The following DAB1 variants were observed in gnomAD, a reference collection of about 807,000 sequenced individuals.
The protein encoded by DAB1 is disabled homolog 1.
DAB1 carries 15 observed loss-of-function variants against 64.6 expected under a neutral mutation model. The observed-to-expected ratio is 0.23, with a 90% CI of 0.16 to 0.36. The LOEUF (loss-of-function observed/expected upper bound fraction) is 0.36, where lower values mean the gene tolerates loss of function less well. Ranked by LOEUF, DAB1 falls within the 10% of genes least tolerant of loss-of-function variation. The probability of loss-of-function intolerance (pLI) is 1.00; values close to 1 mark genes in which losing one functional copy is unlikely to be tolerated. For synonymous variants in DAB1, 235 were observed against 251.9 expected, an observed-to-expected ratio of 0.93 and a Z score of 0.64; for missense variants, 596 against 706.7, an observed-to-expected ratio of 0.84 and a Z score of 1.78.
chr1:57,689,822 C>T (rs184595485), intron 6 of DAB1, among the ~76,000 whole-genome samples: 1 of 151,892 alleles, frequency 6.6e-6, no homozygotes, highest in East Asian at 1.9e-4. Flanking sequence ...GACTATAGTC[C>T]CCCTGTTGTA....
At chr1:58,480,940 T>C (rs774385366) in intron 3 of DAB1, 2 of 843,792 alleles carry the variant, frequency 2.4e-6, no homozygotes, top group Non-Finnish European at 4.1e-6. Context: ...ATTCTTCATA[T>C]ATCTTGTGTC....
intron 2 of DAB1, among the ~76,000 whole-genome samples, chr1:57,163,876 G>A (rs6670988): frequency 0.22 from 34,148 of 152,150 alleles, 4,993 homozygotes; most frequent in Middle Eastern, 0.34. Context: ...CAAAAGCCAA[G>A]AGAACCTGGT....
At chr1:57,983,024 C>T (rs1315789238) in intron 5 of DAB1, among the ~76,000 whole-genome samples, 1 of 152,182 alleles carries the variant, frequency 6.6e-6, no homozygotes, top group Non-Finnish European at 1.5e-5. Context: ...GGGTTGCAGC[C>T]AGATCTGTTT....
intron 2 of DAB1, among the ~76,000 whole-genome samples, chr1:57,262,639 T>A (rs1027657821): frequency 6.6e-6 from 1 of 152,244 alleles, no homozygotes; most frequent in African/African-American, 2.4e-5. Flanking sequence ...TTCATTTGAA[T>A]TTGTAAGAGA....
chr1:58,406,622 C>T (rs114248112), intron 3 of DAB1, among the ~76,000 whole-genome samples: 1 of 152,140 alleles, frequency 6.6e-6, no homozygotes, highest in Admixed American at 6.5e-5. Flanking sequence ...CTTCAGGAGA[C>T]GTAGCCTTCA....
At chr1:57,991,845 C>A (rs1248773007) in intron 5 of DAB1, among the ~76,000 whole-genome samples, 54 of 60,142 alleles carry the variant, frequency 9.0e-4, no homozygotes, top group East Asian at 1.2e-3. Context: ...GGCTCTGTCT[C>A]AAAAAAAAAA....
intron 3 of DAB1, among the ~76,000 whole-genome samples, chr1:58,471,844 G>C (rs866393629): frequency 6.6e-6 from 1 of 152,150 alleles, no homozygotes; most frequent in African/African-American, 2.4e-5. Flanking sequence ...CCCAGAAGCT[G>C]ATGCCACCAT....
chr1:57,621,529 G>A (rs979300006), intron 7 of DAB1, among the ~76,000 whole-genome samples: 6 of 151,986 alleles, frequency 3.9e-5, no homozygotes, highest in African/African-American at 1.2e-4. Context: ...GGGGGAAACT[G>A]AGGTTGTCCC....
At chr1:57,064,197 C>T (rs1052435083) in intron 8 of DAB1, among the ~76,000 whole-genome samples, 1 of 152,192 alleles carries the variant, frequency 6.6e-6, no homozygotes, top group Non-Finnish European at 1.5e-5. Context: ...TGACATTTTT[C>T]ATCTCATTTA....
chr1:57,418,612 C>A (rs1684670951), intron 1 of DAB1, among the ~76,000 whole-genome samples: 1 of 152,158 alleles, frequency 6.6e-6, no homozygotes, highest in Admixed American at 6.5e-5. Context: ...AGTTAAACAG[C>A]CCGCCTTCAC....
At chr1:58,099,352 G>C (rs1651177339) in intron 5 of DAB1, among the ~76,000 whole-genome samples, 2 of 152,326 alleles carry the variant, frequency 1.3e-5, no homozygotes, top group South Asian at 4.2e-4. Flanking sequence ...CTTGACAACA[G>C]GGACTGCCTC....
At position 56,999,698 on chromosome 1, in the gene DAB1, G is replaced by A. The variant is rs141867952; in HGVS notation, c.*16-1570C>T. On this transcript the variant is annotated intron_variant, in intron 14 of 14. Transcript: ENST00000371236. ...GTACAGATGAGGAATCTGAAGTCCT[G>A]TGAAGACAGCTTTTGTTTCTTCAGA... is the stretch of plus-strand genomic sequence containing the variant. Among the ~76,000 whole-genome samples the A allele has an allele frequency of 2.2e-4, 34 of 152,292 alleles. No individual in the cohort carries two copies. In the East Asian group the frequency reaches 6.4e-3, roughly 29 times the overall value.
At chr1:58,513,105 G>A (rs946775151) in intron 2 of DAB1, among the ~76,000 whole-genome samples, 1 of 152,102 alleles carries the variant, frequency 6.6e-6, no homozygotes, top group Non-Finnish European at 1.5e-5. Flanking sequence ...ATCCCCATGT[G>A]TCGAGGGAGG....
In DAB1 at chr1:58,011,785, G is replaced by A. The variant is rs181390613; in HGVS notation, n.388-127623C>T. 3.3e-3 allele frequency among the ~76,000 whole-genome samples: 500 copies of A among 152,102 alleles called. 3 individuals carry two copies. Among genetic ancestry groups the A allele is most frequent in the African/African-American group, 0.011 (469 of 41,504 alleles). ...TCATTGCAATTTCCCCTCCACCTCCGGGTTCAAGCGATTCTCCTGTTCAGC... is the reference window on the plus strand; with the variant it reads ...TCATTGCAATTTCCCCTCCACCTCCAGGTTCAAGCGATTCTCCTGTTCAGC... On this transcript the variant is annotated intron_variant and non_coding_transcript_variant, in intron 5 of 20. Coordinates refer to the DAB1 transcript ENST00000485760.
chr1:57,763,555 T>C (rs763910314), intron 6 of DAB1, among the ~76,000 whole-genome samples: 1 of 152,120 alleles, frequency 6.6e-6, no homozygotes, highest in Non-Finnish European at 1.5e-5. Flanking sequence ...GGTGTATCCC[T>C]ATAGTCCTAA....
intron 5 of DAB1, among the ~76,000 whole-genome samples, chr1:57,977,880 G>C (rs896694184): frequency 3.9e-5 from 6 of 152,108 alleles, no homozygotes; most frequent in African/African-American, 1.4e-4. Flanking sequence ...CCTCTTCAAA[G>C]AGAACTACAA....
In DAB1 at chr1:57,570,411, TAC is replaced by T. The variant is rs921934668; in HGVS notation, n.625+79179_625+79180del. 1.5e-3 allele frequency among the ~76,000 whole-genome samples: 211 copies of T among 139,718 alleles called. 1 individual carries two copies. The highest frequency in any genetic ancestry group is 5.0e-3 in the African/African-American group (195 of 38,660). 91.7% of individuals were successfully genotyped at this position (139,718 alleles called of 152,430 possible). A position where few individuals can be genotyped will look rare whatever the true frequency, so the allele number is the denominator to read the frequency against. ...ACAAACTCATATATATATATATATA[TAC>T]TGCTTTAGTTCTGTCCCTTATGTTT... is the stretch of plus-strand genomic sequence containing the variant. On this transcript the variant is annotated intron_variant and non_coding_transcript_variant, in intron 7 of 20. Transcript: ENST00000485760.
At chr1:57,304,829 AC>A (rs1673997249) in intron 1 of DAB1, among the ~76,000 whole-genome samples, 1 of 152,218 alleles carries the variant, frequency 6.6e-6, no homozygotes. Context: ...AATTATTAAT[AC>A]CAAAAAATTA....
At position 58,441,712 on chromosome 1, in the gene DAB1, C is replaced by T. The variant is rs1645010332; in HGVS notation, n.257+64348G>A. Among the ~76,000 whole-genome samples the T allele has an allele frequency of 2.0e-5, 3 of 152,292 alleles. 1 individual carries two copies. The South Asian group carries it at 6.2e-4, about 32-fold the overall frequency. ...CGTGCAAGATGTCCTCCTGGTAGGACCTGGTCAGTGGGTGTCTCTGGCTTG... is the reference window on the plus strand; with the variant it reads ...CGTGCAAGATGTCCTCCTGGTAGGATCTGGTCAGTGGGTGTCTCTGGCTTG... On this transcript the variant is annotated intron_variant and non_coding_transcript_variant, in intron 3 of 20. Coordinates refer to the DAB1 transcript ENST00000485760.
Sources: allele counts gnomAD v4.1 joint callset (sites outside exome capture counted in the v4.1 genomes callset), GRCh38; gene constraint gnomAD v4.1.1; transcripts MANE v1.5; gene names NCBI Gene and HGNC (gene_info 2026-07-23, HGNC 2026-07-21).